The following TRMT11 variants were observed in gnomAD, a reference collection of about 807,000 sequenced individuals.
TRMT11 encodes the protein tRNA methyltransferase 11.
Under a neutral mutation model 62.8 loss-of-function variants are expected in TRMT11, and 53 were observed. The observed-to-expected ratio is 0.84, with a 90% CI of 0.68 to 1.06. TRMT11 has a LOEUF of 1.06. Ranked by LOEUF, TRMT11 falls within the 50% of genes least tolerant of loss-of-function variation. TRMT11 has a pLI of 0.00. For synonymous variants in TRMT11, 188 were observed against 190.3 expected (o/e 0.99, Z 0.10); for missense variants, 556 against 553.4 (o/e 1.00, Z -0.05).
At chr6:126,140,249 T>TA (rs909132960) in intron 21 of TRMT11, among the ~76,000 whole-genome samples, 18 of 151,328 alleles carry the variant, frequency 1.2e-4, no homozygotes, top group Non-Finnish European at 1.9e-4. Context: ...GATGTGTAAT[T>TA]AAAAAAAAAT....
chr6:126,130,702 C>T (rs917679759), intron 21 of TRMT11, among the ~76,000 whole-genome samples: 1 of 152,066 alleles, frequency 6.6e-6, no homozygotes, highest in African/African-American at 2.4e-5. Flanking sequence ...GATGGTGGTT[C>T]TCAACATTTA....
intron 21 of TRMT11, among the ~76,000 whole-genome samples, chr6:126,119,878 A>T (rs1033809839): frequency 6.6e-6 from 1 of 152,152 alleles, no homozygotes; most frequent in African/African-American, 2.4e-5. Context: ...CAACCCAAAG[A>T]TGTTCACTGG....
At chr6:125,990,710 AT>A (rs1211894333) in intron 1 of TRMT11, among the ~76,000 whole-genome samples, 11 of 151,970 alleles carry the variant, frequency 7.2e-5, no homozygotes, top group African/African-American at 1.9e-4. Flanking sequence ...ATTGGGTTAG[AT>A]TTTTTTCAGG....
At chr6:126,056,017 C>T (rs1776364594) in intron 17 of TRMT11, among the ~76,000 whole-genome samples, 2 of 152,152 alleles carry the variant, frequency 1.3e-5, no homozygotes, top group Admixed American at 1.3e-4. Context: ...AAGAGAGTCC[C>T]AATGTGAAGC....
chr6:126,142,361 C>G (rs966872328), intron 21 of TRMT11, among the ~76,000 whole-genome samples: 1 of 152,064 alleles, frequency 6.6e-6, no homozygotes, highest in Non-Finnish European at 1.5e-5. Flanking sequence ...ATTGTGATCA[C>G]TTTCATGGCA....
rs1253146421 is a variant in TRMT11, at chr6:125,998,295, G to T, written c.367G>T (p.Glu123Ter). 6.3e-7 allele frequency: 1 copy of T among 1,598,536 alleles called. No individual in the cohort carries two copies. The highest frequency in any genetic ancestry group is 2.2e-5 in the East Asian group (1 of 44,754). Reference protein sequence around the residue: ...HTFNKTLTQEEKIKRIDALEF... With the variant: ...HTFNKTLTQE Reference sequence around the variant, plus strand: ...TTTTAATAAGACATTGACACAAGAAGAGAAAATCAAGCGAATAGATGTAAG... The same window carrying T: ...TTTTAATAAGACATTGACACAAGAATAGAAAATCAAGCGAATAGATGTAAG... Residue 123 changes from glutamate to a stop codon, truncating the protein, a stop_gained, in exon 5 of 13, where the codon GAG becomes TAG. Coordinates refer to ENST00000334379, the MANE Select transcript of TRMT11 (RefSeq NM_001031712.3). LOFTEE classifies it high-confidence loss of function.
intron 12 of TRMT11, among the ~76,000 whole-genome samples, chr6:126,021,872 A>G (rs778954615): frequency 6.6e-6 from 1 of 152,178 alleles, no homozygotes; most frequent in Non-Finnish European, 1.5e-5. Context: ...GAGAGTTGAC[A>G]TGAATAGTGC....
intron 17 of TRMT11, among the ~76,000 whole-genome samples, chr6:126,112,540 ATTT>A (rs1322262834): frequency 1.3e-5 from 2 of 152,138 alleles, no homozygotes; most frequent in Non-Finnish European, 2.9e-5. Flanking sequence ...CCTCCAAGAT[ATTT>A]TGGCTGTAGG....
intron 17 of TRMT11, among the ~76,000 whole-genome samples, chr6:126,075,564 C>T (rs1032438289): frequency 6.6e-6 from 1 of 152,036 alleles, no homozygotes; most frequent in African/African-American, 2.4e-5. Flanking sequence ...TGTAAGTTTC[C>T]TGAGGCCTCC....
chr6:126,144,079 T>G (rs75405644), intron 21 of TRMT11, among the ~76,000 whole-genome samples: 1 of 152,230 alleles, frequency 6.6e-6, no homozygotes, highest in African/African-American at 2.4e-5. Context: ...TAGCTGCTTT[T>G]GAGTCTTCAA....
At chr6:126,027,433 A>T (rs1342940719) in intron 12 of TRMT11, among the ~76,000 whole-genome samples, 1 of 152,174 alleles carries the variant, frequency 6.6e-6, no homozygotes, top group Non-Finnish European at 1.5e-5. Context: ...TCTATAATAG[A>T]TACATGATTA....
intron 16 of TRMT11, among the ~76,000 whole-genome samples, chr6:126,049,637 G>T (rs555801711): frequency 6.7e-6 from 1 of 148,386 alleles, no homozygotes; most frequent in Admixed American, 6.7e-5. Context: ...TCTGGTTGGG[G>T]TGATGAGACC....
At chr6:126,192,305 T>C (rs866809430) in intron 1 of TRMT11, among the ~76,000 whole-genome samples, 26 of 152,164 alleles carry the variant, frequency 1.7e-4, no homozygotes, top group African/African-American at 3.9e-4. Flanking sequence ...CTTGCAATTT[T>C]ACTAAAATGG....
In TRMT11 at chr6:125,986,758, C is replaced by T. The variant is rs928008989; in HGVS notation, c.72+136C>T. On this transcript the variant is annotated intron_variant, in intron 1 of 12. Transcript: ENST00000334379. ...GCTGGTCTGCGCGGGTCACGCGTCC[C>T]CAGTCCTCGGGCGGGGTGAGCTTGG... The T allele has an allele frequency of 3.7e-6, 3 of 805,580 alleles. No homozygotes were observed. In the South Asian group the frequency reaches 5.3e-5, roughly 14 times the overall value. 49.9% of individuals were successfully genotyped at this position (805,580 alleles called of 1,614,324 possible).
rs137998184 is a variant in TRMT11 at position 126,149,399 on chromosome 6, A to C, written c.*1824-25426A>C. Among the ~76,000 whole-genome samples the C allele has an allele frequency of 2.6e-3, 395 of 152,304 alleles. 1 individual carries two copies. Among genetic ancestry groups the C allele is most frequent in the African/African-American group, 9.1e-3 (378 of 41,560 alleles). ...TTTGTATCTCTATTGGGGTCATCTT[A>C]TGGGGCATCCACCTTGGGATACACA... On this transcript the variant is annotated intron_variant and NMD_transcript_variant, in intron 21 of 22. Transcript: ENST00000648977.
At chr6:126,113,017 A>G (rs1032860284) in intron 18 of TRMT11, among the ~76,000 whole-genome samples, 4 of 152,066 alleles carry the variant, frequency 2.6e-5, no homozygotes, top group African/African-American at 9.7e-5. Context: ...CTGAGTGGAC[A>G]GGTCCTAGAT....
chr6:126,247,748 T>G, the TRMT11 span, among the ~76,000 whole-genome samples: 1 of 151,736 alleles, frequency 6.6e-6, no homozygotes, highest in African/African-American at 2.4e-5. Flanking sequence ...AAGTAAAGTT[T>G]AAAGTCTTAG....
intron 21 of TRMT11, among the ~76,000 whole-genome samples, chr6:126,147,202 C>G (rs1777983926): frequency 6.6e-6 from 1 of 152,144 alleles, no homozygotes; most frequent in Non-Finnish European, 1.5e-5. Flanking sequence ...AAGCATATAA[C>G]AAAAGACTAT....
the TRMT11 span, among the ~76,000 whole-genome samples, chr6:126,229,923 A>G: frequency 2.6e-5 from 4 of 151,950 alleles, no homozygotes; most frequent in African/African-American, 9.7e-5. Context: ...TCTTTTTTTC[A>G]TCTTTCCTTT....
Sources: gnomAD v4.1 joint callset for allele counts (sites outside exome capture counted in the v4.1 genomes callset) on GRCh38, gnomAD v4.1.1 for gene constraint, MANE v1.5 for transcripts, NCBI Gene and HGNC (gene_info 2026-07-23, HGNC 2026-07-21) for gene names.